Variants in FANK1 observed in about 807,000 individuals in gnomAD.
FANK1 encodes the protein fibronectin type III and ankyrin repeat domains 1.
A neutral mutation model predicts 45.3 loss-of-function variants in FANK1; 44 were observed. The observed-to-expected ratio is 0.97, with a 90% confidence interval of 0.76 to 1.25. The LOEUF (loss-of-function observed/expected upper bound fraction) is 1.25, where lower values mean the gene tolerates loss of function less well. Among genes scored for constraint, FANK1 ranks in the 50% most tolerant of loss-of-function variants. The pLI, the probability that FANK1 is intolerant of heterozygous loss-of-function variation, is 0.00. For synonymous variants in FANK1, 149 were observed against 152.5 expected, an observed-to-expected ratio of 0.98 and a Z score of 0.17; for missense variants, 391 against 424.4, an observed-to-expected ratio of 0.92 and a Z score of 0.69.
At chr10:125,958,838 A>G (rs1213101799) in intron 1 of FANK1, among the ~76,000 whole-genome samples, 1 of 152,208 alleles carries the variant, frequency 6.6e-6, no homozygotes, top group African/African-American at 2.4e-5. Context: ...TAGTTTGAGA[A>G]TACAAACAAA....
chr10:125,963,598 A>G (rs1950048628), intron 1 of FANK1, among the ~76,000 whole-genome samples: 2 of 152,220 alleles, frequency 1.3e-5, no homozygotes, highest in Admixed American at 1.3e-4. Context: ...TTGTAGGGAC[A>G]TGGATGAAGC....
At chr10:125,987,794 T>C (rs1298172170) in intron 2 of FANK1, among the ~76,000 whole-genome samples, 1 of 151,922 alleles carries the variant, frequency 6.6e-6, no homozygotes, top group Non-Finnish European at 1.5e-5. Context: ...AAGCAGAAGG[T>C]GGGGTCTTAT....
intron 1 of FANK1, among the ~76,000 whole-genome samples, chr10:125,956,666 T>C (rs1202509228): frequency 6.6e-6 from 1 of 152,168 alleles, no homozygotes; most frequent in Non-Finnish European, 1.5e-5. Flanking sequence ...TTAGTGGTCA[T>C]AAGAGTTAGA....
At chr10:125,947,204 A>G (rs1230474704) in intron 1 of FANK1, among the ~76,000 whole-genome samples, 31 of 152,250 alleles carry the variant, frequency 2.0e-4, no homozygotes, top group Non-Finnish European at 2.5e-4. Context: ...AACTGCATCA[A>G]CTAACAAGCA....
chr10:125,949,369 C>T (rs1000255318), intron 1 of FANK1, among the ~76,000 whole-genome samples: 1 of 151,886 alleles, frequency 6.6e-6, no homozygotes, highest in Non-Finnish European at 1.5e-5. Context: ...TCTAGAAAAC[C>T]CCATTGTCTC....
At chr10:125,924,914 A>C (rs368491708) in intron 1 of FANK1, among the ~76,000 whole-genome samples, 1,308 of 134,684 alleles carry the variant, frequency 9.7e-3, no homozygotes, top group African/African-American at 0.021. Flanking sequence ...GCCTTATTTT[A>C]TCTTCAAGCT....
chr10:125,907,945 C>G (rs1275905807), intron 1 of FANK1, among the ~76,000 whole-genome samples: 1 of 152,062 alleles, frequency 6.6e-6, no homozygotes, highest in Non-Finnish European at 1.5e-5. Context: ...GAGCTGTGCC[C>G]CAATTCCTGA....
At chr10:125,946,068 T>C (rs1011362001) in intron 1 of FANK1, among the ~76,000 whole-genome samples, 1 of 151,982 alleles carries the variant, frequency 6.6e-6, no homozygotes, top group Admixed American at 6.5e-5. Context: ...GAAGGAAAAC[T>C]AACAAACAGA....
chr10:125,906,515 C>CAAAAAGAAAAAAAAAAA (rs1945532642), intron 1 of FANK1, among the ~76,000 whole-genome samples: 1 of 46,410 alleles, frequency 2.2e-5, no homozygotes, highest in Non-Finnish European at 4.3e-5. Context: ...GACTCTGTCT[C>CAAAAAGAAAAAAAAAAA]AAAAAAAAAA....
chr10:125,925,365 A>G (rs955662508), intron 1 of FANK1, among the ~76,000 whole-genome samples: 2 of 152,240 alleles, frequency 1.3e-5, no homozygotes, highest in Admixed American at 1.3e-4. Context: ...TGATATAGCT[A>G]TAGTAACTTT....
chr10:125,981,496 C>CAAAAAAAAA lies in FANK1; in HGVS notation c.191+1169_191+1177dup, dbSNP rs60627576. On this transcript the variant is annotated intron_variant, in intron 2 of 10. Coordinates refer to ENST00000368693, the MANE Select transcript of FANK1 (RefSeq NM_145235.5). Reference sequence around the variant, plus strand: ...TGGGTGACAGAGTGAGACCCTGTCTCAAAAAAAAAAAAAAAAAAAGTTATG... The same window carrying CAAAAAAAAA: ...TGGGTGACAGAGTGAGACCCTGTCTCAAAAAAAAAAAAAAAAAAAAAAAAAAAAGTTATG... Among the ~76,000 whole-genome samples, 45 of 117,316 alleles carry CAAAAAAAAA rather than the reference C, an allele frequency of 3.8e-4. 1 individual carries two copies. The highest frequency in any genetic ancestry group is 1.2e-3 in the African/African-American group (34 of 29,298). 77.0% of individuals were successfully genotyped at this position (117,316 alleles called of 152,430 possible).
At chr10:126,008,915 C>A in intron 8 of FANK1, 139 bp from the exon 9 acceptor site, 1 of 743,834 alleles carries the variant, frequency 1.3e-6, no homozygotes, top group Non-Finnish European at 2.2e-6. Context: ...GCTGTGCCTG[C>A]AGGCCATGCA....
rs1951354650 is a variant in FANK1, at chr10:125,983,493, C to T, written c.191+3155C>T. On this transcript the variant is annotated intron_variant, in intron 2 of 10. Coordinates refer to ENST00000368693, the MANE Select transcript of FANK1 (RefSeq NM_145235.5). This position sits in a 1 kb window ranked among gnomAD's most constrained non-coding sequence, Gnocchi z 4.3. ...GCAGGCAATACATACTGAGGGGCAG[C>T]AGCATAGGAAAAATTGAGGGCCTGG... 6.6e-6 allele frequency among the ~76,000 whole-genome samples: 1 copy of T among 152,100 alleles called. No homozygotes were observed. The highest frequency in any genetic ancestry group is 2.1e-4 in the South Asian group (1 of 4,824).
chr10:125,957,875 A>G (rs11244724), intron 1 of FANK1, among the ~76,000 whole-genome samples: 56,519 of 151,816 alleles, frequency 0.37, 11,010 homozygotes, highest in Non-Finnish European at 0.44. Context: ...TTCTAGTTTG[A>G]CACACTTTCC....
At chr10:125,906,322 C>G (rs989496370) in intron 1 of FANK1, among the ~76,000 whole-genome samples, 20 of 151,770 alleles carry the variant, frequency 1.3e-4, no homozygotes, top group Non-Finnish European at 2.8e-4. Flanking sequence ...TTGAGACCAC[C>G]CTGGCCAACA....
chr10:125,968,804 G>A (rs530893905), intron 1 of FANK1, among the ~76,000 whole-genome samples: 5 of 152,052 alleles, frequency 3.3e-5, no homozygotes, highest in South Asian at 2.1e-4. Context: ...AGTTTTCTAC[G>A]TTCAAACCTA....
chr10:125,946,605 A>G (rs2134160448), intron 1 of FANK1, among the ~76,000 whole-genome samples: 1 of 151,218 alleles, frequency 6.6e-6, no homozygotes, highest in Non-Finnish European at 1.5e-5. Context: ...ATATGGGACT[A>G]TGTGAAAAGA....
At chr10:125,970,852 G>A (rs914504857) in intron 1 of FANK1, among the ~76,000 whole-genome samples, 1 of 146,172 alleles carries the variant, frequency 6.8e-6, no homozygotes, top group African/African-American at 2.7e-5. Flanking sequence ...AGCAGGAGAC[G>A]GGAGAGGGAG....
At chr10:125,994,279 C>G (rs1407753010) in intron 3 of FANK1, 29 of 529,046 alleles carry the variant, frequency 5.5e-5, no homozygotes, top group Non-Finnish European at 7.0e-5. Context: ...AGGCTGAAAG[C>G]AGGCACTACA....
Sources: allele counts gnomAD v4.1 joint callset (sites outside exome capture counted in the v4.1 genomes callset), GRCh38; gene constraint gnomAD v4.1.1; non-coding constraint Gnocchi (gnomAD v3.1); transcripts MANE v1.5; gene names NCBI Gene and HGNC (gene_info 2026-07-23, HGNC 2026-07-21).